Variants in SLC9A9 observed in about 807,000 individuals in gnomAD.
The protein encoded by SLC9A9 is solute carrier family 9 member A9.
SLC9A9 carries 62 observed loss-of-function variants against 77.8 expected under a neutral mutation model. That is an observed-to-expected ratio of 0.80 (90% confidence interval 0.65 to 0.98). The LOEUF (loss-of-function observed/expected upper bound fraction) is 0.98, where lower values mean the gene tolerates loss of function less well. Among genes scored for constraint, SLC9A9 ranks in the 50% least tolerant of loss-of-function variants. The probability of loss-of-function intolerance (pLI) is 0.00; values close to 1 mark genes in which losing one functional copy is unlikely to be tolerated. For missense variants in SLC9A9, 775 were observed against 774.9 expected (o/e 1.00, Z 0.00); for synonymous variants, 320 against 283.5 (o/e 1.13, Z -1.29).
intron 12 of SLC9A9, among the ~76,000 whole-genome samples, chr3:143,389,897 A>C (rs1425932578): frequency 6.6e-6 from 1 of 152,170 alleles, no homozygotes; most frequent in Non-Finnish European, 1.5e-5. Context: ...GGGTTCTATA[A>C]TTTGGGGACA....
At chr3:143,711,416 G>T (rs1934191022) in intron 4 of SLC9A9, among the ~76,000 whole-genome samples, 1 of 151,838 alleles carries the variant, frequency 6.6e-6, no homozygotes, top group Non-Finnish European at 1.5e-5. Flanking sequence ...AAATTAAAAA[G>T]AATTTTTTTC....
chr3:143,713,907 T>C (rs1428176773), intron 4 of SLC9A9, among the ~76,000 whole-genome samples: 1 of 152,238 alleles, frequency 6.6e-6, no homozygotes, highest in African/African-American at 2.4e-5. Flanking sequence ...TTCTAGCATT[T>C]AGTCAGTTAT....
chr3:143,661,382 G>A (rs1002885135), intron 5 of SLC9A9, among the ~76,000 whole-genome samples: 6 of 152,080 alleles, frequency 3.9e-5, no homozygotes, highest in South Asian at 2.1e-4. Context: ...CCAAGGCCAC[G>A]GATGCTGTCT....
chr3:143,606,436 C>A (rs4839648), intron 6 of SLC9A9, among the ~76,000 whole-genome samples: 10,236 of 53,416 alleles, frequency 0.19, 998 homozygotes, highest in African/African-American at 0.21. Context: ...CTCTCTCTCT[C>A]TATATATATA....
Position 143,768,751 on chromosome 3 carries a change from G to C in SLC9A9, c.533+26250C>G, listed in dbSNP as rs536393483. 3.6e-3 allele frequency among the ~76,000 whole-genome samples: 545 copies of C among 152,226 alleles called. 4 individuals carry two copies. The highest frequency in any genetic ancestry group is 0.012 in the African/African-American group (498 of 41,554). On this transcript the variant is annotated intron_variant, in intron 4 of 15. Transcript: ENST00000316549. ...TCAGCAAAATGTGGAGCCCATGAAG[G>C]GAAATGGGATTTCTTGGGAAAGTTT...
chr3:143,483,833 A>G (rs838645), intron 11 of SLC9A9, among the ~76,000 whole-genome samples: 93,805 of 151,878 alleles, frequency 0.62, 30,553 homozygotes, highest in South Asian at 0.74. Context: ...TTCTTATTTG[A>G]TCTTTGAACC....
At chr3:143,277,397 C>A (rs2108402933) in intron 14 of SLC9A9, among the ~76,000 whole-genome samples, 1 of 152,320 alleles carries the variant, frequency 6.6e-6, no homozygotes, top group South Asian at 2.1e-4. Context: ...TAGTAATCTG[C>A]ATTTCAACAA....
Position 143,437,630 on chromosome 3 carries a change from G to A in SLC9A9, c.1469+29407C>T, listed in dbSNP as rs79649388. Among the ~76,000 whole-genome samples, 29 of 152,324 alleles carry A rather than the reference G, an allele frequency of 1.9e-4. No individual in the cohort carries two copies. In the East Asian group the frequency reaches 5.0e-3, roughly 26 times the overall value. On this transcript the variant is annotated intron_variant, in intron 12 of 15. Transcript: ENST00000316549. Reference sequence around the variant, plus strand: ...AAGTAGGTCAACTTAAATTCTATACGCAGAGGGAGAGCTACAGTTAAATGA... The same window carrying A: ...AAGTAGGTCAACTTAAATTCTATACACAGAGGGAGAGCTACAGTTAAATGA...
At chr3:143,274,241 AC>A (rs1383098838) in intron 14 of SLC9A9, among the ~76,000 whole-genome samples, 1 of 152,242 alleles carries the variant, frequency 6.6e-6, no homozygotes, top group Non-Finnish European at 1.5e-5. Context: ...GAAGGAAAGC[AC>A]ATTTATCTCC....
chr3:143,757,469 C>T (rs73871644), intron 4 of SLC9A9, among the ~76,000 whole-genome samples: 3,872 of 152,250 alleles, frequency 0.025, 171 homozygotes, highest in African/African-American at 0.088. Context: ...AATAATCAGT[C>T]TATTTCACTC....
chr3:143,399,824 G>T (rs1201151458), intron 12 of SLC9A9, among the ~76,000 whole-genome samples: 1 of 152,104 alleles, frequency 6.6e-6, no homozygotes, highest in Non-Finnish European at 1.5e-5. Context: ...AGGGCAGGTA[G>T]ACTATTTCAT....
At chr3:143,586,985 C>A (rs1448356092) in intron 6 of SLC9A9, among the ~76,000 whole-genome samples, 1 of 152,166 alleles carries the variant, frequency 6.6e-6, no homozygotes, top group Non-Finnish European at 1.5e-5. Context: ...TCTGAGGGAC[C>A]ATTTAATGAC....
chr3:143,592,260 C>G (rs927413543), intron 6 of SLC9A9, among the ~76,000 whole-genome samples: 4 of 152,208 alleles, frequency 2.6e-5, no homozygotes, highest in African/African-American at 9.7e-5. Context: ...GGCGCAGTGG[C>G]TCACGCCTGT....
chr3:143,559,143 T>C (rs968264835), intron 8 of SLC9A9, among the ~76,000 whole-genome samples: 1 of 152,218 alleles, frequency 6.6e-6, no homozygotes. Flanking sequence ...TCCCCAGCCA[T>C]GTGGAACTGT....
chr3:143,465,200 C>T (rs1053416965), intron 12 of SLC9A9, among the ~76,000 whole-genome samples: 17 of 152,194 alleles, frequency 1.1e-4, no homozygotes, highest in African/African-American at 4.1e-4. Context: ...ATAACACTGG[C>T]CAGGCTGACT....
Position 143,832,019 on chromosome 3 carries a change from C to T in SLC9A9, c.378G>A (p.Lys126=). Residue 126 remains lysine, a splice_region_variant and synonymous_variant, in exon 2 of 16, where the codon AAG becomes AAA. Coordinates refer to ENST00000316549, the MANE Select transcript of SLC9A9 (RefSeq NM_173653.4). Reference sequence around the variant, plus strand: ...ATATAATACCAGACAGGATCCTTACCTTTTCAAGTATAGCATTTCCTTGAT... The same window carrying T: ...ATATAATACCAGACAGGATCCTTACTTTTTCAAGTATAGCATTTCCTTGAT... ...NPHQGNAILE[K]MTFDPEIFFN... 6.2e-7 allele frequency: 1 copy of T among 1,610,484 alleles called. No individual in the cohort carries two copies.
At chr3:143,334,783 C>A (rs2031874528) in intron 14 of SLC9A9, among the ~76,000 whole-genome samples, 1 of 152,116 alleles carries the variant, frequency 6.6e-6, no homozygotes, top group South Asian at 2.1e-4. Context: ...ATAATGATAG[C>A]CCCAACTCAT....
chr3:143,716,924 A>T (rs187729583), intron 4 of SLC9A9, among the ~76,000 whole-genome samples: 3 of 152,158 alleles, frequency 2.0e-5, no homozygotes, highest in Non-Finnish European at 4.4e-5. Context: ...ACTGACCACA[A>T]CTCGTGAGAC....
intron 4 of SLC9A9, among the ~76,000 whole-genome samples, chr3:143,761,774 A>T (rs1203890622): frequency 2.6e-5 from 4 of 152,272 alleles, no homozygotes; most frequent in Admixed American, 2.0e-4. Context: ...ATTGTGGAAA[A>T]CAGTGTGGCG....
Sources: allele counts gnomAD v4.1 joint callset (sites outside exome capture counted in the v4.1 genomes callset), GRCh38; gene constraint gnomAD v4.1.1; transcripts MANE v1.5; gene names NCBI Gene and HGNC (gene_info 2026-07-23, HGNC 2026-07-21).